Variants in CACNA2D1 observed in about 807,000 individuals in gnomAD.
CACNA2D1 encodes the protein voltage-dependent calcium channel subunit alpha-2/delta-1.
CACNA2D1 carries 53 observed loss-of-function variants against 171.5 expected under a neutral mutation model. The ratio of observed to expected loss-of-function variants is 0.31; its 90% confidence interval spans 0.25 to 0.39. CACNA2D1 has a LOEUF of 0.39. CACNA2D1 is among the 10% of genes least tolerant of loss of function. The probability of loss-of-function intolerance (pLI) is 1.00; values close to 1 mark genes in which losing one functional copy is unlikely to be tolerated. For missense variants in CACNA2D1, 903 were observed against 1,299.8 expected (o/e 0.69, Z 4.69); for synonymous variants, 442 against 443.1 (o/e 1.00, Z 0.03).
intron 3 of CACNA2D1, among the ~76,000 whole-genome samples, chr7:82,318,541 T>C (rs570631043): frequency 1.1e-4 from 16 of 152,314 alleles, no homozygotes; most frequent in African/African-American, 3.1e-4. Flanking sequence ...AAATACTTAA[T>C]GCAAGTAAGT....
At chr7:82,030,791 C>T (rs1470180363) in intron 12 of CACNA2D1, among the ~76,000 whole-genome samples, 2 of 151,770 alleles carry the variant, frequency 1.3e-5, no homozygotes, top group Non-Finnish European at 2.9e-5. Flanking sequence ...AAAGTCCCTT[C>T]CAATTATCAG....
chr7:82,303,309 C>A (rs553343737), intron 3 of CACNA2D1, among the ~76,000 whole-genome samples: 1 of 152,086 alleles, frequency 6.6e-6, no homozygotes. Flanking sequence ...ATCCGGCCAA[C>A]ATTTGGTCTT....
chr7:82,206,406 T>C (rs1800006308), intron 3 of CACNA2D1, among the ~76,000 whole-genome samples: 1 of 152,144 alleles, frequency 6.6e-6, no homozygotes, highest in African/African-American at 2.4e-5. Flanking sequence ...TATACACTAA[T>C]TGTAATAACT....
At chr7:82,141,865 C>T (rs570621840) in intron 4 of CACNA2D1, among the ~76,000 whole-genome samples, 3 of 152,266 alleles carry the variant, frequency 2.0e-5, no homozygotes, top group African/African-American at 7.2e-5. Context: ...CCCTCAGTCC[C>T]TTCTCTAGAA....
chr7:82,271,087 C>T (rs1298185031), intron 3 of CACNA2D1, among the ~76,000 whole-genome samples: 1 of 152,036 alleles, frequency 6.6e-6, no homozygotes, highest in African/African-American at 2.4e-5. Context: ...TCTGCTCTGG[C>T]TTTTTTCATG....
intron 3 of CACNA2D1, among the ~76,000 whole-genome samples, chr7:82,329,891 C>T (rs751834769): frequency 7.2e-5 from 11 of 151,814 alleles, no homozygotes; most frequent in Middle Eastern, 3.4e-3. Flanking sequence ...AATTCTACCA[C>T]TACCTCATGC....
chr7:82,241,520 A>G (rs949782482), intron 3 of CACNA2D1, among the ~76,000 whole-genome samples: 6 of 152,178 alleles, frequency 3.9e-5, no homozygotes, highest in African/African-American at 1.4e-4. Context: ...ACTCACTTCA[A>G]ATCTGTGGGA....
chr7:81,952,683 T>C (rs183538739), intron 38 of CACNA2D1, among the ~76,000 whole-genome samples: 94 of 152,238 alleles, frequency 6.2e-4, no homozygotes, highest in African/African-American at 2.2e-3. Flanking sequence ...CTCTCTAAAA[T>C]GTTAGACTTT....
At chr7:82,443,050 C>T (rs1161010752) in intron 1 of CACNA2D1, among the ~76,000 whole-genome samples, 1 of 152,234 alleles carries the variant, frequency 6.6e-6, no homozygotes, top group South Asian at 2.1e-4. Context: ...TTCCCCAGTA[C>T]GGCTGCACTC....
At chr7:82,157,539 A>T (rs1794490733) in intron 4 of CACNA2D1, among the ~76,000 whole-genome samples, 1 of 152,094 alleles carries the variant, frequency 6.6e-6, no homozygotes, top group Non-Finnish European at 1.5e-5. Context: ...CCTTGTAAAA[A>T]TAGAGACAAT....
At chr7:82,323,269 A>G (rs1049248159) in intron 3 of CACNA2D1, among the ~76,000 whole-genome samples, 1 of 152,196 alleles carries the variant, frequency 6.6e-6, no homozygotes, top group Admixed American at 6.5e-5. Flanking sequence ...GTTGTTAAAA[A>G]AAAAAAAGAG....
chr7:82,103,969 C>T lies in CACNA2D1; in HGVS notation c.526+13075G>A, dbSNP rs552964697. 6.0e-5 allele frequency among the ~76,000 whole-genome samples: 9 copies of T among 149,660 alleles called. No homozygotes were observed. In the East Asian group the frequency reaches 1.7e-3, roughly 29 times the overall value. ...GGCTGCATATTCATAACTTGAAGGC[C>T]ATCAAAGTGAATAATTTCATATTCA... On this transcript the variant is annotated intron_variant, in intron 6 of 38. Transcript: ENST00000356860.
At chr7:81,956,842 A>G (rs1793429629) in intron 38 of CACNA2D1, among the ~76,000 whole-genome samples, 1 of 100,946 alleles carries the variant, frequency 9.9e-6, no homozygotes, top group Admixed American at 9.9e-5. Context: ...AAATTGCAAA[A>G]CAGTAAATGA....
chr7:82,366,837 T>C (rs1185156232), intron 1 of CACNA2D1, among the ~76,000 whole-genome samples: 1 of 151,590 alleles, frequency 6.6e-6, no homozygotes, highest in East Asian at 1.9e-4. Flanking sequence ...CTAATTACCA[T>C]TCCCACCAAT....
intron 3 of CACNA2D1, among the ~76,000 whole-genome samples, chr7:82,283,649 C>A (rs1447133532): frequency 6.7e-6 from 1 of 150,198 alleles, no homozygotes; most frequent in African/African-American, 2.4e-5. Flanking sequence ...TATATACTAA[C>A]AATCACCATA....
chr7:82,167,711 G>T (rs1795599405), intron 4 of CACNA2D1, among the ~76,000 whole-genome samples: 1 of 152,080 alleles, frequency 6.6e-6, no homozygotes, highest in African/African-American at 2.4e-5. Context: ...CTTCAGGAAG[G>T]ATGCTCAGGA....
At chr7:82,215,106 G>A (rs1800963816) in intron 3 of CACNA2D1, among the ~76,000 whole-genome samples, 1 of 152,074 alleles carries the variant, frequency 6.6e-6, no homozygotes, top group Non-Finnish European at 1.5e-5. Context: ...TTCTTCCTCA[G>A]GAAAGGAACT....
intron 10 of CACNA2D1, among the ~76,000 whole-genome samples, chr7:82,057,753 T>C (rs1236510558): frequency 6.6e-6 from 1 of 152,084 alleles, no homozygotes; most frequent in East Asian, 1.9e-4. Context: ...CATGGATTCA[T>C]AGGCCCCAGG....
At chr7:82,355,645 TGCTCCTATG>T (rs1056947661) in intron 1 of CACNA2D1, among the ~76,000 whole-genome samples, 1 of 152,128 alleles carries the variant, frequency 6.6e-6, no homozygotes, top group African/African-American at 2.4e-5. Context: ...TTGAGACCCG[TGCTCCTATG>T]GCTCCTATGA....
Sources: gnomAD v4.1 joint callset for allele counts (sites outside exome capture counted in the v4.1 genomes callset) on GRCh38, gnomAD v4.1.1 for gene constraint, MANE v1.5 for transcripts, NCBI Gene and HGNC (gene_info 2026-07-23, HGNC 2026-07-21) for gene names.